The following KCND3 variants were observed in gnomAD, a reference collection of about 807,000 sequenced individuals.
KCND3 encodes potassium voltage-gated channel subfamily D member 3, also known as A-type voltage-gated potassium channel KCND3.
A neutral mutation model predicts 51.1 loss-of-function variants in KCND3; 9 were observed. That is an observed-to-expected ratio of 0.18 (90% CI 0.11 to 0.31). The LOEUF (loss-of-function observed/expected upper bound fraction) is 0.31, where lower values mean the gene tolerates loss of function less well. KCND3 is among the 10% of genes least tolerant of loss of function. The pLI is 1.00. For synonymous variants in KCND3, 349 were observed against 368.0 expected (o/e 0.95, Z 0.59); for missense variants, 526 against 903.8 (o/e 0.58, Z 5.36).
chr1:111,818,285 G>A (rs775003654), intron 2 of KCND3, among the ~76,000 whole-genome samples: 2 of 152,206 alleles, frequency 1.3e-5, no homozygotes, highest in Non-Finnish European at 2.9e-5. Context: ...GCCAGGGCCC[G>A]AGGCTTCCAC....
chr1:111,789,311 G>T lies in KCND3; in HGVS notation c.1107-2205C>A, dbSNP rs145042877. Among the ~76,000 whole-genome samples the T allele has an allele frequency of 2.6e-5, 4 of 152,310 alleles. No individual in the cohort carries two copies. The East Asian group carries it at 7.7e-4, about 29-fold the overall frequency. Reference sequence around the variant, plus strand: ...AAAGCCGAACAATCCACTCCCAGGCGTCCTCTGCCTTCTCCACCGGGAATA... The same window carrying T: ...AAAGCCGAACAATCCACTCCCAGGCTTCCTCTGCCTTCTCCACCGGGAATA... On this transcript the variant is annotated intron_variant, in intron 2 of 7. Coordinates refer to ENST00000302127, the MANE Select transcript of KCND3 (RefSeq NM_001378969.1).
chr1:111,917,951 C>T (rs190526778), intron 2 of KCND3, among the ~76,000 whole-genome samples: 4 of 152,196 alleles, frequency 2.6e-5, no homozygotes, highest in East Asian at 1.9e-4. Flanking sequence ...TGGTAGTCTA[C>T]GAGGCACTGG....
chr1:111,790,626 T>G (rs1161503008), intron 2 of KCND3, among the ~76,000 whole-genome samples: 1 of 152,146 alleles, frequency 6.6e-6, no homozygotes, highest in Non-Finnish European at 1.5e-5. Flanking sequence ...ATTTCAATGG[T>G]TTTTAATGTA....
chr1:111,800,188 T>G (rs1571656839), intron 2 of KCND3, among the ~76,000 whole-genome samples: 1 of 131,472 alleles, frequency 7.6e-6, no homozygotes, highest in African/African-American at 2.9e-5. Context: ...TTCATTTTGT[T>G]CTGCACTAAG....
intron 2 of KCND3, among the ~76,000 whole-genome samples, chr1:111,880,490 G>T (rs575751392): frequency 6.6e-6 from 1 of 152,298 alleles, no homozygotes; most frequent in African/African-American, 2.4e-5. Flanking sequence ...GTCTCAGGTG[G>T]ATGGAAGGTG....
intron 2 of KCND3, among the ~76,000 whole-genome samples, chr1:111,880,585 T>C (rs1362623666): frequency 2.0e-5 from 3 of 152,216 alleles, no homozygotes; most frequent in Non-Finnish European, 2.9e-5. Context: ...GGGACTTCTT[T>C]GGTAGTACCA....
intron 2 of KCND3, among the ~76,000 whole-genome samples, chr1:111,841,279 C>A (rs972917570): frequency 6.6e-6 from 1 of 152,204 alleles, no homozygotes; most frequent in Non-Finnish European, 1.5e-5. Context: ...CAAGCATGCA[C>A]CTTTCAGGCA....
At chr1:111,834,076 G>A (rs938241556) in intron 2 of KCND3, among the ~76,000 whole-genome samples, 1 of 152,170 alleles carries the variant, frequency 6.6e-6, no homozygotes, top group Non-Finnish European at 1.5e-5. Flanking sequence ...GAGGCCTAAT[G>A]CCATTTATCT....
At chr1:111,887,626 G>A (rs957036562) in intron 2 of KCND3, among the ~76,000 whole-genome samples, 2 of 152,206 alleles carry the variant, frequency 1.3e-5, no homozygotes, top group Non-Finnish European at 2.9e-5. Flanking sequence ...GTGGAGAAAG[G>A]AAGAGCCAGC....
At chr1:111,847,281 T>C (rs948367356) in intron 2 of KCND3, among the ~76,000 whole-genome samples, 1 of 152,082 alleles carries the variant, frequency 6.6e-6, no homozygotes, top group African/African-American at 2.4e-5. Flanking sequence ...TCACCTTTCC[T>C]CCTAGAAATT....
intron 2 of KCND3, among the ~76,000 whole-genome samples, chr1:111,965,061 A>G (rs1557752412): frequency 6.6e-6 from 1 of 150,796 alleles, no homozygotes; most frequent in Non-Finnish European, 1.5e-5. Flanking sequence ...GCTTTGCTGC[A>G]CCCCCCCAAA....
At chr1:111,817,012 AT>A (rs1181716657) in intron 2 of KCND3, among the ~76,000 whole-genome samples, 2 of 152,098 alleles carry the variant, frequency 1.3e-5, no homozygotes, top group Non-Finnish European at 2.9e-5. Context: ...AAAATTCAAT[AT>A]TTTGGGGGTA....
intron 2 of KCND3, among the ~76,000 whole-genome samples, chr1:111,843,853 T>C (rs1356647461): frequency 6.6e-6 from 1 of 152,208 alleles, no homozygotes; most frequent in Non-Finnish European, 1.5e-5. Flanking sequence ...AATCATTTTA[T>C]GTTGGCATAA....
At chr1:111,787,369 A>G (rs1664650938) in intron 2 of KCND3, among the ~76,000 whole-genome samples, 2 of 152,228 alleles carry the variant, frequency 1.3e-5, no homozygotes, top group African/African-American at 4.8e-5. Flanking sequence ...TGGTTCTACA[A>G]AGAGACTAGA....
chr1:111,833,262 T>G (rs545850245), intron 2 of KCND3, among the ~76,000 whole-genome samples: 1 of 152,376 alleles, frequency 6.6e-6, no homozygotes, highest in East Asian at 1.9e-4. Flanking sequence ...CAGTTTATAC[T>G]TGGATCTTGA....
intron 2 of KCND3, among the ~76,000 whole-genome samples, chr1:111,886,746 T>G (rs192964054): frequency 5.6e-4 from 85 of 152,342 alleles, no homozygotes; most frequent in African/African-American, 2.0e-3. Context: ...ATTGTCATTT[T>G]AACCAAAAGG....
intron 2 of KCND3, among the ~76,000 whole-genome samples, chr1:111,905,454 G>T (rs1478422359): frequency 6.6e-6 from 1 of 152,250 alleles, no homozygotes; most frequent in Non-Finnish European, 1.5e-5. Flanking sequence ...AAGGGGCAAA[G>T]TGGATGCACT....
In KCND3 at chr1:111,989,614, C is replaced by A. The variant is rs1675521384; in HGVS notation, c.-182G>T. Among the ~76,000 whole-genome samples the A allele has an allele frequency of 6.8e-6, 1 of 147,542 alleles. No homozygotes were observed. Among genetic ancestry groups the A allele is most frequent in the Non-Finnish European group, 1.5e-5 (1 of 66,212 alleles). On this transcript the variant is annotated 5_prime_UTR_variant, in exon 1 of 8. Transcript: ENST00000302127. ...CCGAGCGCCCAGCAGCGCGGGGAAG[C>A]GCCCAGCAGCCGCCGCTCGCGCGGC... is the stretch of plus-strand genomic sequence containing the variant.
chr1:111,837,736 A>G (rs143452137), intron 2 of KCND3, among the ~76,000 whole-genome samples: 17 of 152,208 alleles, frequency 1.1e-4, no homozygotes, highest in African/African-American at 3.9e-4. Context: ...AAAGCCCTAG[A>G]TGTCTTTCCC....
Sources: allele counts gnomAD v4.1 joint callset (sites outside exome capture counted in the v4.1 genomes callset), GRCh38; gene constraint gnomAD v4.1.1; transcripts MANE v1.5; gene names NCBI Gene and HGNC (gene_info 2026-07-23, HGNC 2026-07-21).